The following BACH2 variants were observed in gnomAD, a reference collection of about 807,000 sequenced individuals.
BACH2 encodes BACH transcriptional regulator 2.
In BACH2, 5 loss-of-function variants were observed where a neutral mutation model predicts 61.8. The ratio of observed to expected loss-of-function variants is 0.08; its 90% CI spans 0.04 to 0.17. The LOEUF (loss-of-function observed/expected upper bound fraction) is 0.17. Among genes scored for constraint, BACH2 ranks in the 10% least tolerant of loss-of-function variants. The pLI is 1.00. For synonymous variants in BACH2, 446 were observed against 440.1 expected (o/e 1.01, Z -0.17); for missense variants, 824 against 1,091.1 (o/e 0.76, Z 3.45).
At chr6:90,191,414 A>ATG (rs1768567137) in intron 4 of BACH2, among the ~76,000 whole-genome samples, 1 of 152,232 alleles carries the variant, frequency 6.6e-6, no homozygotes, top group African/African-American at 2.4e-5. Context: ...ATTCATCCGC[A>ATG]CATTTGCAAA....
At position 90,163,137 on chromosome 6, in the gene BACH2, T is replaced by C. The variant is rs567650184; in HGVS notation, c.-162+43432A>G. ...CACACCAGACTTTGGCAGAATTCTC[T>C]AGCGGAGATTTAAAAGAAAATATCT... On this transcript the variant is annotated intron_variant, in intron 4 of 8. Transcript: ENST00000257749. Among the ~76,000 whole-genome samples, 224 of 152,312 alleles carry C rather than the reference T, an allele frequency of 1.5e-3. 2 individuals are homozygous for C. The highest frequency in any genetic ancestry group is 5.2e-3 in the African/African-American group (218 of 41,570).
chr6:90,065,163 G>A (rs1582297686), intron 5 of BACH2, among the ~76,000 whole-genome samples: 1 of 149,954 alleles, frequency 6.7e-6, no homozygotes. Context: ...ATAAACTAAC[G>A]AGTTCCAGTC....
At chr6:90,253,020 G>T (rs570763494) in intron 2 of BACH2, among the ~76,000 whole-genome samples, 2 of 152,146 alleles carry the variant, frequency 1.3e-5, no homozygotes, top group Non-Finnish European at 2.9e-5. Context: ...CAAAGCAGGC[G>T]GACCACTTGA....
intron 6 of BACH2, among the ~76,000 whole-genome samples, chr6:89,964,053 T>C (rs10944468): frequency 0.092 from 13,959 of 151,874 alleles, 745 homozygotes; most frequent in East Asian, 0.19. Flanking sequence ...CTGGGGACTG[T>C]TGTGGGGTGG....
chr6:90,045,966 G>A (rs1190028384), intron 5 of BACH2, among the ~76,000 whole-genome samples: 1 of 152,066 alleles, frequency 6.6e-6, no homozygotes, highest in African/African-American at 2.4e-5. Flanking sequence ...AAAACCATGA[G>A]GACTCTGTTC....
chr6:89,944,745 ATCTC>A (rs1436258373), intron 7 of BACH2, among the ~76,000 whole-genome samples: 1 of 144,630 alleles, frequency 6.9e-6, no homozygotes, highest in Non-Finnish European at 1.5e-5. Flanking sequence ...ATACACTTTT[ATCTC>A]TCTCAGTGTA....
rs570575552 is a variant in BACH2 at position 90,132,647 on chromosome 6, A to C, written c.-161-43538T>G. On this transcript the variant is annotated intron_variant, in intron 4 of 8. Transcript: ENST00000257749. ...CTACCGTGGCTACACCATTACAAGA[A>C]CCTCTCACTGGTCTTCCATCTCTGG... 6.6e-5 allele frequency among the ~76,000 whole-genome samples: 10 copies of C among 151,852 alleles called. 1 individual carries two copies. Among genetic ancestry groups the C allele is most frequent in the Admixed American group, 5.9e-4 (9 of 15,246 alleles).
intron 4 of BACH2, among the ~76,000 whole-genome samples, chr6:90,151,531 T>C (rs1784811482): frequency 6.6e-6 from 1 of 152,226 alleles, no homozygotes; most frequent in African/African-American, 2.4e-5. Flanking sequence ...GATCAAACGA[T>C]GTTCCCACCT....
intron 5 of BACH2, among the ~76,000 whole-genome samples, chr6:90,027,979 G>A (rs1488839861): frequency 6.6e-6 from 1 of 152,144 alleles, no homozygotes; most frequent in Non-Finnish European, 1.5e-5. Context: ...ATTTTTGTTT[G>A]CCAGATTCTC....
chr6:90,208,583 G>T (rs1244507913), intron 3 of BACH2, among the ~76,000 whole-genome samples: 3 of 152,198 alleles, frequency 2.0e-5, no homozygotes, highest in Non-Finnish European at 4.4e-5. Context: ...GGAGAAACAG[G>T]AACACTTCTA....
intron 5 of BACH2, among the ~76,000 whole-genome samples, chr6:90,026,010 A>G (rs1378581519): frequency 1.3e-5 from 2 of 152,154 alleles, no homozygotes; most frequent in Non-Finnish European, 2.9e-5. Flanking sequence ...TCCTCCCCAA[A>G]ACTTCTTCAT....
At chr6:90,280,570 G>C (rs1282649214) in intron 1 of BACH2, among the ~76,000 whole-genome samples, 2 of 152,160 alleles carry the variant, frequency 1.3e-5, no homozygotes, top group African/African-American at 4.8e-5. Flanking sequence ...AGGGATCTTA[G>C]AGACATTTAG....
chr6:89,942,396 C>A (rs910003095), intron 7 of BACH2, among the ~76,000 whole-genome samples: 1 of 152,158 alleles, frequency 6.6e-6, no homozygotes. Flanking sequence ...CCTTGGAAAG[C>A]GGAAACACAT....
chr6:90,139,733 T>G (rs889104224), intron 4 of BACH2, among the ~76,000 whole-genome samples: 2 of 152,186 alleles, frequency 1.3e-5, no homozygotes, highest in African/African-American at 4.8e-5. Context: ...CACTACCAGT[T>G]GTACTTCCAC....
chr6:89,982,727 T>G (rs1352071668), intron 6 of BACH2, among the ~76,000 whole-genome samples: 1 of 152,152 alleles, frequency 6.6e-6, no homozygotes, highest in Non-Finnish European at 1.5e-5. Flanking sequence ...AATGAGGTAT[T>G]ATGATTCTTA....
chr6:90,161,690 G>A (rs1001259181), intron 4 of BACH2, among the ~76,000 whole-genome samples: 1 of 152,008 alleles, frequency 6.6e-6, no homozygotes, highest in African/African-American at 2.4e-5. Context: ...GCATTATTCT[G>A]GGGAAAAAAA....
At chr6:89,971,079 C>T (rs928183663) in intron 6 of BACH2, among the ~76,000 whole-genome samples, 5 of 152,208 alleles carry the variant, frequency 3.3e-5, no homozygotes, top group Non-Finnish European at 7.3e-5. Flanking sequence ...GATATCATTA[C>T]TTTATGAACT....
chr6:90,040,161 C>G (rs1373838825), intron 5 of BACH2, among the ~76,000 whole-genome samples: 1 of 151,954 alleles, frequency 6.6e-6, no homozygotes, highest in Non-Finnish European at 1.5e-5. Flanking sequence ...GCCTTCCCAA[C>G]TTATAAACAA....
chr6:90,258,387 A>T (rs146816881), intron 2 of BACH2, among the ~76,000 whole-genome samples: 1 of 151,932 alleles, frequency 6.6e-6, no homozygotes, highest in African/African-American at 2.4e-5. Context: ...ACGTGGATTT[A>T]TTTCTGGACT....
Sources: gnomAD v4.1 joint callset for allele counts (sites outside exome capture counted in the v4.1 genomes callset) on GRCh38, gnomAD v4.1.1 for gene constraint, MANE v1.5 for transcripts, NCBI Gene and HGNC (gene_info 2026-07-23, HGNC 2026-07-21) for gene names.